Variants in CFAP300 observed in about 807,000 individuals in gnomAD.
The protein encoded by CFAP300 is cilia- and flagella-associated protein 300.
Under a neutral mutation model 33.0 loss-of-function variants are expected in CFAP300, and 32 were observed. The observed-to-expected ratio is 0.97, with a 90% CI of 0.73 to 1.30. The LOEUF is 1.30. Ranked by LOEUF, CFAP300 falls within the 50% of genes most tolerant of loss-of-function variation. CFAP300 has a pLI of 0.00. For synonymous variants in CFAP300, 102 were observed against 106.8 expected, an observed-to-expected ratio of 0.95 and a Z score of 0.28; for missense variants, 356 against 318.1, an observed-to-expected ratio of 1.12 and a Z score of -0.90.
At chr11:102,082,726 C>G (rs761650856) in intron 6 of CFAP300, among the ~76,000 whole-genome samples, 1 of 152,124 alleles carries the variant, frequency 6.6e-6, no homozygotes, top group Non-Finnish European at 1.5e-5. Context: ...TGGCCGGGTG[C>G]TGTGTCTCAA....
At chr11:102,076,371 A>G (rs1234751426) in intron 5 of CFAP300, among the ~76,000 whole-genome samples, 1 of 152,192 alleles carries the variant, frequency 6.6e-6, no homozygotes, top group Non-Finnish European at 1.5e-5. Flanking sequence ...AAGGGAACAC[A>G]AGAGATCCCT....
At chr11:102,065,302 C>T (rs774508379) in intron 3 of CFAP300, among the ~76,000 whole-genome samples, 4 of 151,840 alleles carry the variant, frequency 2.6e-5, no homozygotes, top group African/African-American at 7.3e-5. Context: ...AGGCTGGTCT[C>T]GAACTCCTGG....
chr11:102,065,152 G>A (rs1288591898), intron 3 of CFAP300, among the ~76,000 whole-genome samples: 2 of 152,076 alleles, frequency 1.3e-5, no homozygotes, highest in African/African-American at 4.8e-5. Context: ...GGTCACCCAG[G>A]CTGGAGTGCA....
At chr11:102,066,679 G>A (rs1338554489) in intron 4 of CFAP300, 28 bp downstream of exon 4, 3 of 1,560,648 alleles carry the variant, frequency 1.9e-6, no homozygotes, top group Non-Finnish European at 2.6e-6. Flanking sequence ...AAATTTCGCA[G>A]TGGAATTTTA....
At chr11:102,081,716 C>A (rs1289021164) in intron 6 of CFAP300, among the ~76,000 whole-genome samples, 2 of 151,960 alleles carry the variant, frequency 1.3e-5, no homozygotes, top group East Asian at 3.9e-4. Flanking sequence ...CACTGTGAAA[C>A]CCCGTCTCTA....
At chr11:102,062,165 A>T (rs1241464827) in intron 3 of CFAP300, among the ~76,000 whole-genome samples, 1 of 152,186 alleles carries the variant, frequency 6.6e-6, no homozygotes, top group Non-Finnish European at 1.5e-5. Flanking sequence ...ATTTTCTGCA[A>T]GCCAAGAAGA....
At chr11:102,063,717 G>T (rs1942184980) in intron 3 of CFAP300, among the ~76,000 whole-genome samples, 1 of 152,130 alleles carries the variant, frequency 6.6e-6, no homozygotes, top group Non-Finnish European at 1.5e-5. Context: ...TATTCAGAAG[G>T]CTGAGGCAGA....
intron 4 of CFAP300, among the ~76,000 whole-genome samples, chr11:102,068,293 G>A (rs547660890): frequency 3.3e-5 from 5 of 152,206 alleles, no homozygotes; most frequent in East Asian, 3.9e-4. Context: ...CCATCATTCC[G>A]GACACAGGAA....
At chr11:102,081,931 A>G (rs1023752716) in intron 6 of CFAP300, among the ~76,000 whole-genome samples, 3 of 151,802 alleles carry the variant, frequency 2.0e-5, no homozygotes, top group Admixed American at 6.6e-5. Flanking sequence ...GTGTCTTTAT[A>G]CATAGAATCT....
intron 2 of CFAP300, among the ~76,000 whole-genome samples, chr11:102,050,331 A>C (rs1322221252): frequency 7.2e-5 from 11 of 152,174 alleles, no homozygotes; most frequent in African/African-American, 2.7e-4. Flanking sequence ...AAAAACATTC[A>C]ACAAAGGGCA....
chr11:102,052,279 C>A (rs1410643716), intron 2 of CFAP300, among the ~76,000 whole-genome samples: 3 of 152,026 alleles, frequency 2.0e-5, no homozygotes, highest in Non-Finnish European at 4.4e-5. Context: ...ATTAAATTTT[C>A]TTTTTTTAAG....
At chr11:102,054,077 C>T (rs1327177263) in intron 2 of CFAP300, among the ~76,000 whole-genome samples, 1 of 152,184 alleles carries the variant, frequency 6.6e-6, no homozygotes, top group African/African-American at 2.4e-5. Flanking sequence ...TGAAATCCAC[C>T]ATGGAAACAG....
At chr11:102,079,730 A>G (rs986551419) in intron 5 of CFAP300, among the ~76,000 whole-genome samples, 9 of 152,204 alleles carry the variant, frequency 5.9e-5, no homozygotes, top group Admixed American at 2.0e-4. Flanking sequence ...TTACCTATAC[A>G]TGTCACACAT....
At chr11:102,071,637 G>C (rs1471661253) in intron 4 of CFAP300, among the ~76,000 whole-genome samples, 1 of 152,088 alleles carries the variant, frequency 6.6e-6, no homozygotes, top group Non-Finnish European at 1.5e-5. Flanking sequence ...TTCTTACAGG[G>C]CAGGCCTAGT....
chr11:102,056,580 G>T (rs1421942181), intron 2 of CFAP300, among the ~76,000 whole-genome samples: 1 of 151,800 alleles, frequency 6.6e-6, no homozygotes, highest in Non-Finnish European at 1.5e-5. Flanking sequence ...AAGTTTATTG[G>T]CTATTTGTGG....
rs137963285 is a variant in CFAP300 at position 102,076,771 on chromosome 11, C to A, written c.608+726C>A. Among the ~76,000 whole-genome samples the A allele has an allele frequency of 1.4e-3, 218 of 152,280 alleles. 2 individuals carry two copies. Among genetic ancestry groups the A allele is most frequent in the African/African-American group, 5.0e-3 (208 of 41,556 alleles). ...ATTGTTACTTTACTTATACTCAACA[C>A]CTTAATTCTCATATCCATTCCATGT... On this transcript the variant is annotated intron_variant, in intron 5 of 6. Transcript: ENST00000434758.
intron 4 of CFAP300, among the ~76,000 whole-genome samples, chr11:102,068,292 C>T (rs573981038): frequency 5.9e-5 from 9 of 152,248 alleles, no homozygotes; most frequent in South Asian, 2.1e-4. Context: ...TCCATCATTC[C>T]GGACACAGGA....
intron 3 of CFAP300, among the ~76,000 whole-genome samples, chr11:102,064,395 G>T (rs945212851): frequency 6.6e-6 from 1 of 152,048 alleles, no homozygotes; most frequent in African/African-American, 2.4e-5. Flanking sequence ...ATTTCCTATG[G>T]TCTCCTTTTT....
chr11:102,081,785 G>A (rs1418995927), intron 6 of CFAP300, among the ~76,000 whole-genome samples: 1 of 151,812 alleles, frequency 6.6e-6, no homozygotes, highest in African/African-American at 2.4e-5. Flanking sequence ...CCAGCTTTGG[G>A]GAGGCTGAGG....
Sources: allele counts gnomAD v4.1 joint callset (sites outside exome capture counted in the v4.1 genomes callset), GRCh38; gene constraint gnomAD v4.1.1; transcripts MANE v1.5; gene names NCBI Gene and HGNC (gene_info 2026-07-23, HGNC 2026-07-21).